The following USPL1 variants were observed in gnomAD, a reference collection of about 807,000 sequenced individuals.
The protein encoded by USPL1 is ubiquitin specific peptidase like 1.
Under a neutral mutation model 51.5 loss-of-function variants are expected in USPL1, and 27 were observed. The observed-to-expected ratio is 0.52, with a 90% CI of 0.39 to 0.72. The LOEUF is 0.72. USPL1 is among the 30% of genes least tolerant of loss of function. The pLI is 0.00. For missense variants in USPL1, 1,226 were observed against 1,268.0 expected (o/e 0.97, Z 0.50); for synonymous variants, 451 against 459.6 (o/e 0.98, Z 0.24).
intron 4 of USPL1, among the ~76,000 whole-genome samples, chr13:30,633,328 A>G (rs867052980): frequency 6.6e-6 from 1 of 152,156 alleles, no homozygotes; most frequent in African/African-American, 2.4e-5. Flanking sequence ...TAATATATAA[A>G]ATGTTTAGTT....
In USPL1 at chr13:30,659,218, C is replaced by T. The variant is rs758387334; in HGVS notation, c.3141C>T (p.Cys1047=). The T allele has an allele frequency of 5.0e-6, 8 of 1,613,994 alleles. No homozygotes were observed. The highest frequency in any genetic ancestry group is 3.3e-5 in the Admixed American group (2 of 60,012). Reference sequence around the variant, plus strand: ...CAGACTCTCTGACAAATAATGCCTGCGTTAGAACATTAAACTTGGAGAGTC... The same window carrying T: ...CAGACTCTCTGACAAATAATGCCTGTGTTAGAACATTAAACTTGGAGAGTC... The part of the protein sequence containing the change: ...VQPDSLTNNA[C]VRTLNLESPM... Residue 1047 remains cysteine (C), a synonymous_variant, in exon 9 of 9, where the codon TGC becomes TGT. Coordinates refer to ENST00000255304, the MANE Select transcript of USPL1 (RefSeq NM_005800.5).
chr13:30,629,675 T>C lies in USPL1; in HGVS notation c.229-1160T>C, dbSNP rs150268888. Among the ~76,000 whole-genome samples the C allele has an allele frequency of 3.9e-3, 592 of 152,256 alleles. 2 individuals carry two copies. Among genetic ancestry groups the C allele is most frequent in the African/African-American group, 0.014 (562 of 41,550 alleles). ...GGGGTCTCAGTTATTTTCCATGAGG[T>C]TCTCTCCATGAGGCCAGCTGGGCTC... is the stretch of plus-strand genomic sequence containing the variant. On this transcript the variant is annotated intron_variant, in intron 3 of 8. Transcript: ENST00000255304.
chr13:30,640,770 A>G (rs890751894), intron 5 of USPL1, among the ~76,000 whole-genome samples: 2 of 152,218 alleles, frequency 1.3e-5, no homozygotes, highest in African/African-American at 4.8e-5. Flanking sequence ...GACTACTAAA[A>G]TAGCCTTTGT....
intron 1 of USPL1, among the ~76,000 whole-genome samples, chr13:30,619,173 A>G (rs1459098781): frequency 6.6e-6 from 1 of 152,196 alleles, no homozygotes; most frequent in Non-Finnish European, 1.5e-5. Flanking sequence ...GGTCAAATTA[A>G]GTTGTAAAAT....
intron 5 of USPL1, among the ~76,000 whole-genome samples, chr13:30,641,640 A>G (rs955037333): frequency 6.6e-6 from 1 of 152,214 alleles, no homozygotes; most frequent in Non-Finnish European, 1.5e-5. Flanking sequence ...GCTGGAAGCC[A>G]GCATTCACTG....
chr13:30,648,091 A>G (rs1165314952), intron 7 of USPL1, among the ~76,000 whole-genome samples: 1 of 152,124 alleles, frequency 6.6e-6, no homozygotes, highest in Non-Finnish European at 1.5e-5. Flanking sequence ...TTTCAATGCA[A>G]TTGCGTATTT....
intron 3 of USPL1, among the ~76,000 whole-genome samples, chr13:30,629,498 T>G (rs1281116127): frequency 1.3e-5 from 2 of 152,156 alleles, no homozygotes; most frequent in Non-Finnish European, 2.9e-5. Context: ...AAAAAAAATT[T>G]TAATGGCTCC....
chr13:30,622,747 A>G (rs1004607641), intron 3 of USPL1, among the ~76,000 whole-genome samples: 1 of 152,192 alleles, frequency 6.6e-6, no homozygotes, highest in South Asian at 2.1e-4. Context: ...GTTTTGTAAC[A>G]TTTGAGGATG....
chr13:30,658,453 G>A lies in USPL1; in HGVS notation c.2376G>A (p.Gly792=), dbSNP rs200191581. The A allele has an allele frequency of 1.2e-4, 187 of 1,613,568 alleles. No individual in the cohort carries two copies. Among genetic ancestry groups the A allele is most frequent in the Middle Eastern group, 1.6e-4 (1 of 6,084 alleles). ...TITDLQPSVK[G]VNNFGGFKTK... ...CTGATTTACAACCTTCAGTTAAAGG[G>A]GTAAATAATTTTGGTGGCTTTAAAA... The change falls in exon 9 of 9, where the codon GGG becomes GGA. Residue 792 remains glycine (G), a synonymous_variant. Coordinates refer to ENST00000255304, the MANE Select transcript of USPL1 (RefSeq NM_005800.5).
chr13:30,648,299 C>T (rs1566057641), intron 7 of USPL1, among the ~76,000 whole-genome samples: 1 of 152,130 alleles, frequency 6.6e-6, no homozygotes, highest in Non-Finnish European at 1.5e-5. Flanking sequence ...AATAAATTTT[C>T]AATACTCAGA....
At chr13:30,631,521 G>A (rs772041652) in intron 4 of USPL1, 47 bp downstream of exon 4, 2 of 1,512,642 alleles carry the variant, frequency 1.3e-6, no homozygotes, top group South Asian at 1.3e-5. Flanking sequence ...TTCATCTGGA[G>A]TCAGGGTCTC....
intron 8 of USPL1, among the ~76,000 whole-genome samples, chr13:30,656,172 T>G (rs1951160940): frequency 6.6e-6 from 1 of 152,240 alleles, no homozygotes; most frequent in Non-Finnish European, 1.5e-5. Context: ...CCTAGCCACC[T>G]TCCTTTACTT....
At chr13:30,640,895 C>T (rs1950938756) in intron 5 of USPL1, among the ~76,000 whole-genome samples, 1 of 151,984 alleles carries the variant, frequency 6.6e-6, no homozygotes, top group African/African-American at 2.4e-5. Context: ...GTTTGATTAC[C>T]TTGGATGATC....
At chr13:30,650,272 T>C (rs930976351) in intron 7 of USPL1, among the ~76,000 whole-genome samples, 6 of 152,168 alleles carry the variant, frequency 3.9e-5, no homozygotes, top group Non-Finnish European at 5.9e-5. Flanking sequence ...ATTTTAAAAA[T>C]ATGCCATTAA....
intron 3 of USPL1, among the ~76,000 whole-genome samples, chr13:30,623,957 A>G (rs570612578): frequency 9.8e-5 from 15 of 152,318 alleles, no homozygotes; most frequent in African/African-American, 3.6e-4. Flanking sequence ...AAACCAATAA[A>G]CATAAGTAAG....
chr13:30,642,695 C>T lies in USPL1; in HGVS notation c.1050C>T (p.Leu350=). 6.2e-7 allele frequency: 1 copy of T among 1,613,938 alleles called. No homozygotes were observed. The highest frequency in any genetic ancestry group is 8.5e-7 in the Non-Finnish European group (1 of 1,179,908). ...AACTAGAAACCCACATTGAAAAGCT[C>T]TTCCTATATTCTTTTTCTTGGGACT... The part of the protein sequence containing the change: ...LLKLETHIEK[L]FLYSFSWDFE... The change falls in exon 6 of 9, where the codon CTC becomes CTT. Residue 350 remains leucine, a synonymous_variant. Transcript: ENST00000255304.
At chr13:30,656,230 TA>T (rs1261480246) in intron 8 of USPL1, among the ~76,000 whole-genome samples, 1 of 152,214 alleles carries the variant, frequency 6.6e-6, no homozygotes, top group Non-Finnish European at 1.5e-5. Flanking sequence ...AAAATATAAA[TA>T]ACATAAAATT....
chr13:30,658,886 G>T lies in USPL1; in HGVS notation c.2809G>T (p.Asp937Tyr). The T allele has an allele frequency of 6.2e-7, 1 of 1,614,066 alleles. No individual in the cohort carries two copies. The highest frequency in any genetic ancestry group is 8.5e-7 in the Non-Finnish European group (1 of 1,180,038). Reference protein sequence around the residue: ...GSPNDCESIEDLLNELPYPID... With the variant: ...GSPNDCESIEYLLNELPYPID... ...TCCAAATGATTGTGAATCAATAGAG[G>T]ACTTGTTAAATGAGCTACCATATCC... Residue 937 changes from aspartate (D) to tyrosine (Y), a missense_variant, in exon 9 of 9, where the codon GAC (aspartate) becomes TAC (tyrosine). Asp to Tyr is a radical substitution (Grantham distance 160). Coordinates refer to ENST00000255304, the MANE Select transcript of USPL1 (RefSeq NM_005800.5).
chr13:30,632,941 A>G (rs1463235675), intron 4 of USPL1, among the ~76,000 whole-genome samples: 2 of 152,210 alleles, frequency 1.3e-5, no homozygotes, highest in Non-Finnish European at 2.9e-5. Context: ...CACAGGAAGA[A>G]TTAAAACATT....
Sources: gnomAD v4.1 joint callset for allele counts (sites outside exome capture counted in the v4.1 genomes callset) on GRCh38, gnomAD v4.1.1 for gene constraint, MANE v1.5 for transcripts, NCBI Gene and HGNC (gene_info 2026-07-23, HGNC 2026-07-21) for gene names.